The following ISY1 variants were observed in gnomAD, a reference collection of about 807,000 sequenced individuals.
The protein encoded by ISY1 is pre-mRNA-splicing factor ISY1 homolog.
A neutral mutation model predicts 54.4 loss-of-function variants in ISY1; 12 were observed. That is an observed-to-expected ratio of 0.22 (90% CI 0.14 to 0.36). The LOEUF (loss-of-function observed/expected upper bound fraction) is 0.36. Among genes scored for constraint, ISY1 ranks in the 10% least tolerant of loss-of-function variants. ISY1 has a pLI of 1.00. For synonymous variants in ISY1, 96 were observed against 117.9 expected, an observed-to-expected ratio of 0.81 and a Z score of 1.20; for missense variants, 282 against 342.2, an observed-to-expected ratio of 0.82 and a Z score of 1.39.
rs1366077296 is a variant in ISY1, at chr3:129,134,820, C to T, written c.541+12G>A. 12 of 1,600,958 alleles carry T rather than the reference C, an allele frequency of 7.5e-6. No homozygotes were observed. Among genetic ancestry groups the T allele is most frequent in the Non-Finnish European group, 9.4e-6 (11 of 1,172,312 alleles). On this transcript the variant is annotated intron_variant, in intron 8 of 10. Transcript: ENST00000393295. ...TGCCATCTATTATGAAATAAAATGC[C>T]CAGAGACCTACGTTTCTTTTCATAT...
intron 6 of ISY1, among the ~76,000 whole-genome samples, chr3:129,145,289 C>T (rs574207668): frequency 8.0e-5 from 12 of 149,508 alleles, no homozygotes; most frequent in East Asian, 5.9e-4. Flanking sequence ...CAGTGGCGAT[C>T]TTGGCTCACT....
Position 129,156,678 on chromosome 3 carries a change from A to G in ISY1, c.145-3T>C. 6.2e-7 allele frequency: 1 copy of G among 1,603,686 alleles called. No individual in the cohort carries two copies. The highest frequency in any genetic ancestry group is 8.5e-7 in the Non-Finnish European group (1 of 1,176,264). ...TTTTTAGAGATCTCTCCAATGATCTATTAAAAAAAAGTAATACATTTTAAT... is the reference window on the plus strand; with the variant it reads ...TTTTTAGAGATCTCTCCAATGATCTGTTAAAAAAAAGTAATACATTTTAAT... On this transcript the variant is annotated splice_polypyrimidine_tract_variant and splice_region_variant and intron_variant, in intron 4 of 10. Coordinates refer to ENST00000393295, the MANE Select transcript of ISY1 (RefSeq NM_020701.4).
intron 6 of ISY1, among the ~76,000 whole-genome samples, chr3:129,141,233 A>AT (rs1247180214): frequency 6.5e-5 from 9 of 138,914 alleles, no homozygotes; most frequent in African/African-American, 2.1e-4. Flanking sequence ...AAATAAATAA[A>AT]AAACACTTAT....
intron 1 of ISY1, 51 bp downstream of exon 1, chr3:129,160,922 C>CA: frequency 1.0e-5 from 6 of 586,756 alleles, no homozygotes; most frequent in South Asian, 6.4e-5. Context: ...CTGGGCGCCC[C>CA]CCCGCCCGCC....
intron 9 of ISY1, 58 bp downstream of exon 9, chr3:129,134,016 C>T: frequency 1.2e-6 from 2 of 1,605,610 alleles, no homozygotes; most frequent in Non-Finnish European, 1.7e-6. Context: ...TCCTCCCTGC[C>T]ACACTTCATG....
In ISY1 at chr3:129,140,591, T is replaced by C. The variant is rs893429399; in HGVS notation, c.301-106A>G. 14 of 1,251,602 alleles carry C rather than the reference T, an allele frequency of 1.1e-5. 1 individual carries two copies. In the Admixed American group the frequency reaches 1.7e-4, roughly 15 times the overall value. The allele number at this position is 1,251,602 out of a possible 1,614,324, so 77.5% of individuals were successfully genotyped here. A position where few individuals can be genotyped will look rare whatever the true frequency, so the allele number is the denominator to read the frequency against. ...TCTCGCTCTGTTGCCCATTTATTTA[T>C]TTGAGGTGGAGTCTCGCTCTGTTGC... On this transcript the variant is annotated intron_variant, in intron 6 of 10. Coordinates refer to ENST00000393295, the MANE Select transcript of ISY1 (RefSeq NM_020701.4).
chr3:129,160,925 C>A, intron 1 of ISY1, 48 bp downstream of exon 1: 2 of 417,414 alleles, frequency 4.8e-6, no homozygotes, highest in Non-Finnish European at 9.6e-6. Context: ...GGCGCCCCCC[C>A]GCCCGCCCGC....
intron 5 of ISY1, among the ~76,000 whole-genome samples, chr3:129,151,991 T>G (rs1936986289): frequency 6.6e-6 from 1 of 152,086 alleles, no homozygotes; most frequent in Non-Finnish European, 1.5e-5. Context: ...AAACCCTGTC[T>G]CTACTGAAAA....
chr3:129,133,943 C>T lies in ISY1; in HGVS notation c.663+131G>A. On this transcript the variant is annotated intron_variant, in intron 9 of 10. Coordinates refer to ENST00000393295, the MANE Select transcript of ISY1 (RefSeq NM_020701.4). ...TCCTGTAATCTCGCAAGTGTTTTCA[C>T]AGCCATCCTGCAGGTGAGCAAGCTG... is the stretch of plus-strand genomic sequence containing the variant. The T allele has an allele frequency of 2.7e-6, 4 of 1,483,184 alleles. No homozygotes were observed. The South Asian group carries it at 5.3e-5, about 20-fold the overall frequency. The allele number at this position is 1,483,184 out of a possible 1,614,324, so 91.9% of individuals were successfully genotyped here.
chr3:129,143,472 C>T (rs902958448), intron 6 of ISY1, among the ~76,000 whole-genome samples: 12 of 150,378 alleles, frequency 8.0e-5, no homozygotes, highest in Non-Finnish European at 8.9e-5. Flanking sequence ...CACCACTGCA[C>T]TCCAGCCTGG....
intron 8 of ISY1, 21 bp downstream of exon 8, chr3:129,134,811 A>G: frequency 6.3e-7 from 1 of 1,593,218 alleles, no homozygotes; most frequent in Non-Finnish European, 8.6e-7. Flanking sequence ...CTATTATGAA[A>G]TAAAATGCCC....
rs184851704 is a variant in ISY1, at chr3:129,135,492, G to A, written c.419-538C>T. Among the ~76,000 whole-genome samples, 5 of 152,274 alleles carry A rather than the reference G, an allele frequency of 3.3e-5. No homozygotes were observed. The East Asian group carries it at 9.6e-4, about 29-fold the overall frequency. ...AGTAAAAAACAAAACCAGGCCGGGTGCGGTGACTCATGCCTGTAATCCCAG... is the reference window on the plus strand; with the variant it reads ...AGTAAAAAACAAAACCAGGCCGGGTACGGTGACTCATGCCTGTAATCCCAG... On this transcript the variant is annotated intron_variant, in intron 7 of 10. Transcript: ENST00000393295.
chr3:129,132,268 CT>C (rs780759986), intron 9 of ISY1, among the ~76,000 whole-genome samples: 56 of 152,324 alleles, frequency 3.7e-4, no homozygotes, highest in Non-Finnish European at 7.1e-4. Context: ...GATACAACCA[CT>C]GGGGGGAACT....
intron 5 of ISY1, among the ~76,000 whole-genome samples, chr3:129,154,073 T>C (rs945301809): frequency 6.6e-6 from 1 of 151,462 alleles, no homozygotes; most frequent in African/African-American, 2.4e-5. Flanking sequence ...AAACCCCATC[T>C]CTACTAAAAA....
At chr3:129,160,150 C>T (rs1372588819) in intron 1 of ISY1, among the ~76,000 whole-genome samples, 1 of 152,086 alleles carries the variant, frequency 6.6e-6, no homozygotes, top group Non-Finnish European at 1.5e-5. Context: ...CTCAGCCTCC[C>T]GCGAAACGGC....
chr3:129,155,614 C>T (rs1029803244), intron 5 of ISY1, among the ~76,000 whole-genome samples: 29 of 151,998 alleles, frequency 1.9e-4, no homozygotes, highest in Admixed American at 6.6e-4. Flanking sequence ...GCTGTTTCCT[C>T]TCAGACACAT....
Position 129,134,227 on chromosome 3 carries a change from T to C in ISY1, c.542-32A>G, listed in dbSNP as rs748540779. 7.4e-6 allele frequency: 12 copies of C among 1,613,758 alleles called. No homozygotes were observed. In the South Asian group the frequency reaches 1.1e-4, roughly 15 times the overall value. ...ACAAGAGAGGGTAGGTGCTATTTAT[T>C]TGTCTCTAAATGAGCTTTCAACACT... is the stretch of plus-strand genomic sequence containing the variant. On this transcript the variant is annotated intron_variant, in intron 8 of 10. Coordinates refer to ENST00000393295, the MANE Select transcript of ISY1 (RefSeq NM_020701.4).
intron 3 of ISY1, among the ~76,000 whole-genome samples, chr3:129,158,265 T>C (rs974820832): frequency 2.6e-5 from 4 of 151,876 alleles, no homozygotes; most frequent in African/African-American, 7.3e-5. Context: ...GTGATTCTCC[T>C]GCCTCAGCCT....
intron 2 of ISY1, 44 bp from the exon 3 acceptor site, chr3:129,158,603 C>T (rs1937214697): frequency 6.2e-7 from 1 of 1,612,944 alleles, no homozygotes; most frequent in South Asian, 1.1e-5. Context: ...AGATCCTGCT[C>T]ATACAGACTT....
Sources: allele counts gnomAD v4.1 joint callset (sites outside exome capture counted in the v4.1 genomes callset), GRCh38; gene constraint gnomAD v4.1.1; transcripts MANE v1.5; gene names NCBI Gene and HGNC (gene_info 2026-07-23, HGNC 2026-07-21).